KCNB2: variants seen among roughly 807,000 people sequenced by gnomAD.
KCNB2 encodes potassium voltage-gated channel subfamily B member 2, also known as delayed rectifier potassium channel protein.
Under a neutral mutation model 61.5 loss-of-function variants are expected in KCNB2, and 15 were observed. That is an observed-to-expected ratio of 0.24 (90% CI 0.16 to 0.38). The LOEUF (loss-of-function observed/expected upper bound fraction) is 0.38. KCNB2 is among the 10% of genes least tolerant of loss of function. KCNB2 has a pLI of 1.00. For missense variants in KCNB2, 828 were observed against 1,125.2 expected, an observed-to-expected ratio of 0.74 and a Z score of 3.78; for synonymous variants, 457 against 446.0, an observed-to-expected ratio of 1.02 and a Z score of -0.31.
chr8:72,772,466 G>T (rs1187645360), intron 2 of KCNB2, among the ~76,000 whole-genome samples: 1 of 152,168 alleles, frequency 6.6e-6, no homozygotes, highest in Admixed American at 6.5e-5. Flanking sequence ...GGTTAAGGGG[G>T]TAGCTCCCTG....
At chr8:72,682,115 G>C (rs1209650919) in intron 2 of KCNB2, among the ~76,000 whole-genome samples, 1 of 152,148 alleles carries the variant, frequency 6.6e-6, no homozygotes, top group Non-Finnish European at 1.5e-5. Flanking sequence ...CTATTAACCT[G>C]TCTGATTATA....
At chr8:72,560,526 A>T (rs1213076155) in intron 1 of KCNB2, among the ~76,000 whole-genome samples, 1 of 152,018 alleles carries the variant, frequency 6.6e-6, no homozygotes, top group Non-Finnish European at 1.5e-5. Context: ...TATTTTTTTC[A>T]TCACCTTTCA....
chr8:72,932,643 T>A (rs1315825297), intron 2 of KCNB2, among the ~76,000 whole-genome samples: 5 of 152,180 alleles, frequency 3.3e-5, no homozygotes, highest in Admixed American at 3.3e-4. Flanking sequence ...AACCTTTATA[T>A]AAGGGCATTG....
chr8:72,871,378 T>A (rs1805612517), intron 2 of KCNB2, among the ~76,000 whole-genome samples: 1 of 152,234 alleles, frequency 6.6e-6, no homozygotes, highest in Admixed American at 6.5e-5. Flanking sequence ...AAATCTTGAT[T>A]GGTATACTTC....
At chr8:72,668,577 C>T (rs930154461) in intron 2 of KCNB2, among the ~76,000 whole-genome samples, 2 of 152,130 alleles carry the variant, frequency 1.3e-5, no homozygotes, top group Admixed American at 1.3e-4. Flanking sequence ...GCCTTTTCCT[C>T]CTTGGGCCAG....
chr8:72,600,460 G>A (rs1807278133), intron 2 of KCNB2, among the ~76,000 whole-genome samples: 1 of 152,026 alleles, frequency 6.6e-6, no homozygotes, highest in Non-Finnish European at 1.5e-5. Flanking sequence ...CGGGGAGAGG[G>A]GAGGGATAGC....
At chr8:72,918,338 A>G (rs1314997044) in intron 2 of KCNB2, among the ~76,000 whole-genome samples, 2 of 152,170 alleles carry the variant, frequency 1.3e-5, no homozygotes, top group Non-Finnish European at 2.9e-5. Flanking sequence ...CAATGAGAGA[A>G]TGGGGTTGTG....
intron 2 of KCNB2, among the ~76,000 whole-genome samples, chr8:72,916,213 C>A (rs1206401961): frequency 6.6e-6 from 1 of 152,164 alleles, no homozygotes. Flanking sequence ...TTTTCTCCCA[C>A]ATGCTTTTGG....
At chr8:72,919,119 T>C (rs1806453467) in intron 2 of KCNB2, among the ~76,000 whole-genome samples, 1 of 152,264 alleles carries the variant, frequency 6.6e-6, no homozygotes, top group Non-Finnish European at 1.5e-5. Flanking sequence ...CATCTGTTTA[T>C]ATATGTAAAT....
chr8:72,601,163 T>G (rs1019073400), intron 2 of KCNB2, among the ~76,000 whole-genome samples: 4 of 152,218 alleles, frequency 2.6e-5, no homozygotes, highest in Admixed American at 2.0e-4. Context: ...TTTAATATTC[T>G]CTTAATTAAC....
intron 1 of KCNB2, among the ~76,000 whole-genome samples, chr8:72,540,293 G>A (rs561838956): frequency 1.3e-5 from 2 of 152,140 alleles, no homozygotes; most frequent in East Asian, 3.9e-4. Context: ...TCTTAACGTT[G>A]ATAGGAAATC....
chr8:72,694,684 G>GT (rs949340001), intron 2 of KCNB2, among the ~76,000 whole-genome samples: 2 of 151,930 alleles, frequency 1.3e-5, no homozygotes, highest in Non-Finnish European at 2.9e-5. Context: ...ATACTGAATT[G>GT]TATTACCTTT....
intron 2 of KCNB2, among the ~76,000 whole-genome samples, chr8:72,585,916 A>G (rs985444385): frequency 1.3e-5 from 2 of 152,250 alleles, no homozygotes; most frequent in Admixed American, 1.3e-4. Context: ...AGTTTGAAAG[A>G]CAGTAGTTTG....
chr8:72,712,384 A>G (rs1250022279), intron 2 of KCNB2, among the ~76,000 whole-genome samples: 1 of 152,114 alleles, frequency 6.6e-6, no homozygotes, highest in Admixed American at 6.5e-5. Flanking sequence ...TTATCTTATG[A>G]TATGCTTTTT....
At chr8:72,618,651 A>C (rs1053198001) in intron 2 of KCNB2, 2 of 154,642 alleles carry the variant, frequency 1.3e-5, no homozygotes, top group Admixed American at 6.5e-5. Context: ...CAATTACAAG[A>C]GGAAAAAGGA....
intron 2 of KCNB2, among the ~76,000 whole-genome samples, chr8:72,766,553 A>G (rs1386410393): frequency 6.6e-6 from 1 of 152,178 alleles, no homozygotes; most frequent in African/African-American, 2.4e-5. Flanking sequence ...AAACAGTTTC[A>G]CCAGGGAACA....
At chr8:72,682,766 A>G (rs996481451) in intron 2 of KCNB2, among the ~76,000 whole-genome samples, 1 of 151,834 alleles carries the variant, frequency 6.6e-6, no homozygotes, top group Non-Finnish European at 1.5e-5. Flanking sequence ...GCTAACTTTT[A>G]TTTTTTTGTT....
At chr8:72,640,584 T>C (rs11986331) in intron 2 of KCNB2, among the ~76,000 whole-genome samples, 468 of 152,218 alleles carry the variant, frequency 3.1e-3, no homozygotes, top group African/African-American at 0.011. Flanking sequence ...CTGAGGAATA[T>C]TGATTTTTTT....
At chr8:72,749,600 A>G (rs1563579227) in intron 2 of KCNB2, among the ~76,000 whole-genome samples, 2 of 151,298 alleles carry the variant, frequency 1.3e-5, no homozygotes, top group Admixed American at 1.3e-4. Context: ...CAACCTACTT[A>G]TTATTGCCTA....
Sources: gnomAD v4.1 joint callset for allele counts (sites outside exome capture counted in the v4.1 genomes callset) on GRCh38, gnomAD v4.1.1 for gene constraint, MANE v1.5 for transcripts, NCBI Gene and HGNC (gene_info 2026-07-23, HGNC 2026-07-21) for gene names.